CYP27C1: variants seen among roughly 807,000 people sequenced by gnomAD.
The protein encoded by CYP27C1 is cytochrome P450 family 27 subfamily C member 1.
Under a neutral mutation model 40.6 loss-of-function variants are expected in CYP27C1, and 29 were observed. That is an observed-to-expected ratio of 0.71 (90% CI 0.53 to 0.97). The LOEUF (loss-of-function observed/expected upper bound fraction) is 0.97, where lower values mean the gene tolerates loss of function less well. Ranked by LOEUF, CYP27C1 falls within the 50% of genes least tolerant of loss-of-function variation. The pLI, the probability that CYP27C1 is intolerant of heterozygous loss-of-function variation, is 0.00. For missense variants in CYP27C1, 390 were observed against 485.8 expected, an observed-to-expected ratio of 0.80 and a Z score of 1.85; for synonymous variants, 198 against 186.8, an observed-to-expected ratio of 1.06 and a Z score of -0.49.
In CYP27C1 at chr2:127,218,089, G is replaced by A. The variant is rs1428773658; in HGVS notation, c.282+1900C>T. Among the ~76,000 whole-genome samples, 1 of 152,192 alleles carries A rather than the reference G, an allele frequency of 6.6e-6. No homozygotes were observed. Among genetic ancestry groups the A allele is most frequent in the African/African-American group, 2.4e-5 (1 of 41,446 alleles). Reference sequence around the variant, plus strand: ...TCTCTGCTCCGTGCCCCAGGGCCCTGGGTGTGGTGAAGGAAGCTGTCTGAG... The same window carrying A: ...TCTCTGCTCCGTGCCCCAGGGCCCTAGGTGTGGTGAAGGAAGCTGTCTGAG... On this transcript the variant is annotated intron_variant, in intron 1 of 8. Coordinates refer to ENST00000664447, the MANE Select transcript of CYP27C1 (RefSeq NM_001367502.1). This position sits in a 1 kb window ranked among gnomAD's most constrained non-coding sequence, Gnocchi z 6.0.
chr2:127,193,237 T>C lies in CYP27C1; in HGVS notation c.1354A>G (p.Lys452Glu), dbSNP rs1240870889. 2 of 1,614,184 alleles carry C rather than the reference T, an allele frequency of 1.2e-6. No individual in the cohort carries two copies. Among genetic ancestry groups the C allele is most frequent in the Non-Finnish European group, 1.7e-6 (2 of 1,180,030 alleles). The change falls in exon 8 of 9, where the codon AAG becomes GAG. Residue 452 changes from lysine to glutamate, a missense_variant. Coordinates refer to ENST00000664447, the MANE Select transcript of CYP27C1 (RefSeq NM_001367502.1). ...AGCCAGCGCTCAGGCCGGAACTCCT[T>C]GGCCCGAGGGAAGTTCTCATCCTGG... ...SYQDENFPRA[K>E]EFRPERWLRK...
chr2:127,199,506 A>G lies in CYP27C1; in HGVS notation c.917T>C (p.Ile306Thr). ...QIHVDNKLRDIQYQMDRGRRV... is the reference protein window; with the variant it reads ...QIHVDNKLRDTQYQMDRGRRV... Reference sequence around the variant, plus strand: ...CCGGCCTCGGTCCATTTGGTACTGTATGTCCCTCAACTTGTTGTCAACATG... The same window carrying G: ...CCGGCCTCGGTCCATTTGGTACTGTGTGTCCCTCAACTTGTTGTCAACATG... The change falls in exon 5 of 9, where the codon ATA becomes ACA. Residue 306 changes from isoleucine (I) to threonine (T), a missense_variant. Coordinates refer to ENST00000664447, the MANE Select transcript of CYP27C1 (RefSeq NM_001367502.1). The G allele has an allele frequency of 6.2e-7, 1 of 1,613,996 alleles. No homozygotes were observed. The highest frequency in any genetic ancestry group is 2.2e-5 in the East Asian group (1 of 44,874).
At chr2:127,190,941 GAA>G (rs36094047) in intron 8 of CYP27C1, among the ~76,000 whole-genome samples, 3 of 85,582 alleles carry the variant, frequency 3.5e-5, no homozygotes, top group Non-Finnish European at 4.6e-5. Flanking sequence ...GTGAGACTCT[GAA>G]AAAAAAAAAA....
At chr2:127,203,621 G>A in intron 2 of CYP27C1, 50 bp from the exon 3 acceptor site, 1 of 1,556,070 alleles carries the variant, frequency 6.4e-7, no homozygotes, top group Non-Finnish European at 8.7e-7. Flanking sequence ...CTGACATTCT[G>A]GGAAAGAATT....
At position 127,199,492 on chromosome 2, in the gene CYP27C1, C is replaced by T; in HGVS notation, c.931G>A (p.Asp311Asn). 1.2e-6 allele frequency: 2 copies of T among 1,614,174 alleles called. No individual in the cohort carries two copies. Among genetic ancestry groups the T allele is most frequent in the Non-Finnish European group, 1.7e-6 (2 of 1,180,030 alleles). The stretch of plus-strand genomic sequence containing the variant: ...CCCCCGCTCACCCTCCGGCCTCGGT[C>T]CATTTGGTACTGTATGTCCCTCAAC... ...NKLRDIQYQM[D>N]RGRRVSGGLL... Residue 311 changes from aspartate (D) to asparagine (N), a missense_variant, in exon 5 of 9, where the codon GAC (aspartate) becomes AAC (asparagine). By Grantham distance (23) the Asp-to-Asn change is conservative. Transcript: ENST00000664447.
Position 127,204,481 on chromosome 2 carries a change from AAAGAAAGG to A in CYP27C1, c.474-918_474-911del, listed in dbSNP as rs1326291982. ...GAAAGAAAGAAAGAAAGAAAGAAAG[AAAGAAAGG>A]AAGGAAGGAAGGAAGGAAAGAAAGA... is the stretch of plus-strand genomic sequence containing the variant. On this transcript the variant is annotated intron_variant, in intron 2 of 8. Transcript: ENST00000664447. Among the ~76,000 whole-genome samples, 152 of 67,058 alleles carry A rather than the reference AAAGAAAGG, an allele frequency of 2.3e-3. 14 individuals are homozygous for A. Among genetic ancestry groups the A allele is most frequent in the African/African-American group, 2.8e-3 (46 of 16,656 alleles). 44.0% of individuals were successfully genotyped at this position (67,058 alleles called of 152,430 possible). A position where few individuals can be genotyped will look rare whatever the true frequency, so the allele number is the denominator to read the frequency against.
At chr2:127,205,296 T>G (rs1187856545) in intron 2 of CYP27C1, among the ~76,000 whole-genome samples, 4 of 152,156 alleles carry the variant, frequency 2.6e-5, no homozygotes, top group Non-Finnish European at 4.4e-5. Context: ...AATTTATGTA[T>G]AAGGACATAG....
At chr2:127,188,743 A>C (rs988567623) in intron 8 of CYP27C1, among the ~76,000 whole-genome samples, 1 of 151,980 alleles carries the variant, frequency 6.6e-6, no homozygotes, top group African/African-American at 2.4e-5. Context: ...GTACCTACAC[A>C]GTGAGTTTGA....
At position 127,201,935 on chromosome 2, in the gene CYP27C1, T is replaced by A. The variant is rs1683044465; in HGVS notation, c.674-604A>T. 6.6e-6 allele frequency among the ~76,000 whole-genome samples: 1 copy of A among 152,168 alleles called. No individual in the cohort carries two copies. The highest frequency in any genetic ancestry group is 6.5e-5 in the Admixed American group (1 of 15,282). ...GTGTCGGGCAGAGCTGTGAACTGTA[T>A]TTACCAATCACTTCTGGGATGATTT... On this transcript the variant is annotated intron_variant, in intron 3 of 8. Transcript: ENST00000664447. The surrounding 1 kb of genome is among the most constrained non-coding windows in gnomAD (Gnocchi z 6.0).
In CYP27C1 at chr2:127,188,310, G is replaced by A. The variant is rs186490522; in HGVS notation, c.1498-923C>T. On this transcript the variant is annotated intron_variant, in intron 8 of 8. Transcript: ENST00000664447. ...GCTGGGACCCCATGGCGTGATCACAGCTCTCTGCAGCCTCAACCTCCTGGG... is the reference window on the plus strand; with the variant it reads ...GCTGGGACCCCATGGCGTGATCACAACTCTCTGCAGCCTCAACCTCCTGGG... 2.7e-3 allele frequency among the ~76,000 whole-genome samples: 418 copies of A among 152,312 alleles called. 2 individuals are homozygous for A. Among genetic ancestry groups the A allele is most frequent in the African/African-American group, 9.6e-3 (399 of 41,564 alleles).
intron 7 of CYP27C1, among the ~76,000 whole-genome samples, chr2:127,193,578 G>C (rs1439961955): frequency 1.3e-5 from 2 of 152,236 alleles, no homozygotes. Flanking sequence ...AGCATGGGCT[G>C]CCTTGCTGGT....
At chr2:127,202,048 G>A (rs1219384492) in intron 3 of CYP27C1, among the ~76,000 whole-genome samples, 1 of 151,276 alleles carries the variant, frequency 6.6e-6, no homozygotes, top group Non-Finnish European at 1.5e-5. Flanking sequence ...TAAAAAAGAT[G>A]AGAAAGCTGA....
At chr2:127,202,158 C>G (rs945409348) in intron 3 of CYP27C1, among the ~76,000 whole-genome samples, 4 of 145,904 alleles carry the variant, frequency 2.7e-5, no homozygotes, top group Non-Finnish European at 6.0e-5. Context: ...GAGTTTCACT[C>G]TTGTCACCCA....
At chr2:127,187,865 T>C (rs1040738809) in intron 8 of CYP27C1, among the ~76,000 whole-genome samples, 3 of 152,214 alleles carry the variant, frequency 2.0e-5, no homozygotes, top group African/African-American at 7.2e-5. Flanking sequence ...TTCATCGTGC[T>C]ACTATCCTGA....
At chr2:127,199,640 G>T in intron 4 of CYP27C1, 101 bp from the exon 5 acceptor site, 1 of 1,295,714 alleles carries the variant, frequency 7.7e-7, no homozygotes, top group Non-Finnish European at 1.0e-6. Flanking sequence ...TAAACCAGTG[G>T]CAGGTGACAG....
In CYP27C1 at chr2:127,218,403, TC is replaced by T. The variant is rs202150319; in HGVS notation, c.282+1585del. 0.016 allele frequency among the ~76,000 whole-genome samples: 2,419 copies of T among 152,124 alleles called. 29 individuals carry two copies. The highest frequency in any genetic ancestry group is 0.022 in the Non-Finnish European group (1,519 of 67,986). ...TTTTTACTGTATTTGAAAGTTGCCA[TC>T]CTGATATCTTATCAGATCCTACAAA... is the stretch of plus-strand genomic sequence containing the variant. On this transcript the variant is annotated intron_variant, in intron 1 of 8. Transcript: ENST00000664447. This position sits in a 1 kb window ranked among gnomAD's most constrained non-coding sequence, Gnocchi z 6.0.
rs572915579 is a variant in CYP27C1 at position 127,217,633 on chromosome 2, T to A, written c.282+2356A>T. On this transcript the variant is annotated intron_variant, in intron 1 of 8. Coordinates refer to ENST00000664447, the MANE Select transcript of CYP27C1 (RefSeq NM_001367502.1). ...CTGCTCTACCACACCCTAAATAGCA[T>A]CTAGTGACCCAAATTATGATTTCTA... Among the ~76,000 whole-genome samples, 104 of 152,256 alleles carry A rather than the reference T, an allele frequency of 6.8e-4. 1 individual carries two copies. The Middle Eastern group carries it at 0.014, about 20-fold the overall frequency.
chr2:127,199,283 T>A, intron 5 of CYP27C1, 93 bp downstream of exon 5: 1 of 1,512,798 alleles, frequency 6.6e-7, no homozygotes, highest in East Asian at 2.3e-5. Context: ...TAAAACTCCA[T>A]CCTCCCGCTC....
rs141117840 is a variant in CYP27C1, at chr2:127,193,242, C to T, written c.1349G>A (p.Arg450Gln). 1.4e-5 allele frequency: 22 copies of T among 1,614,038 alleles called. No homozygotes were observed. Among genetic ancestry groups the T allele is most frequent in the Non-Finnish European group, 1.8e-5 (21 of 1,180,044 alleles). Reference protein sequence around the residue: ...ATSYQDENFPRAKEFRPERWL... With the variant: ...ATSYQDENFPQAKEFRPERWL... ...GCGCTCAGGCCGGAACTCCTTGGCC[C>T]GAGGGAAGTTCTCATCCTGGTACGA... The change falls in exon 8 of 9, where the codon CGG becomes CAG. Residue 450 changes from arginine (R) to glutamine (Q), a missense_variant. By Grantham distance (43) the Arg-to-Gln change is conservative. Transcript: ENST00000664447.
Sources: gnomAD v4.1 joint callset for allele counts (sites outside exome capture counted in the v4.1 genomes callset) on GRCh38, gnomAD v4.1.1 for gene constraint, Gnocchi (gnomAD v3.1) non-coding constraint, MANE v1.5 for transcripts, NCBI Gene and HGNC (gene_info 2026-07-23, HGNC 2026-07-21) for gene names.